The following MYO18B variants were observed in gnomAD, a reference collection of about 807,000 sequenced individuals.
MYO18B encodes the protein unconventional myosin-XVIIIb.
A neutral mutation model predicts 273.0 loss-of-function variants in MYO18B; 204 were observed. The observed-to-expected ratio is 0.75, with a 90% CI of 0.67 to 0.84. The LOEUF is 0.84. Ranked by LOEUF, MYO18B falls within the 40% of genes least tolerant of loss-of-function variation. The pLI, the probability that MYO18B is intolerant of heterozygous loss-of-function variation, is 0.00. For synonymous variants in MYO18B, 1,330 were observed against 1,305.7 expected (o/e 1.02, Z -0.40); for missense variants, 3,212 against 3,287.6 (o/e 0.98, Z 0.56).
intron 11 of MYO18B, among the ~76,000 whole-genome samples, chr22:25,787,536 A>G (rs1419819924): frequency 6.6e-6 from 1 of 152,142 alleles, no homozygotes; most frequent in Non-Finnish European, 1.5e-5. Context: ...GTCACCTTAT[A>G]AGTATGTCCC....
At chr22:25,753,517 C>T (rs1004444392) in intron 1 of MYO18B, among the ~76,000 whole-genome samples, 5 of 152,188 alleles carry the variant, frequency 3.3e-5, no homozygotes, top group Non-Finnish European at 5.9e-5. Context: ...CACTGGTAAC[C>T]CGCCCGGGTC....
At chr22:26,025,569 ACT>A (rs1936178538) in intron 42 of MYO18B, among the ~76,000 whole-genome samples, 1 of 151,946 alleles carries the variant, frequency 6.6e-6, no homozygotes, top group Admixed American at 6.5e-5. Context: ...CAGTGCCAAC[ACT>A]CTGACATTTG....
intron 39 of MYO18B, among the ~76,000 whole-genome samples, chr22:25,976,320 A>T (rs1386526109): frequency 6.6e-6 from 1 of 152,164 alleles, no homozygotes; most frequent in African/African-American, 2.4e-5. Context: ...TCTTGAGGCC[A>T]CTTAGTGCAC....
intron 33 of MYO18B, among the ~76,000 whole-genome samples, chr22:25,916,931 C>T (rs2092269821): frequency 2.6e-5 from 4 of 152,076 alleles, no homozygotes; most frequent in Non-Finnish European, 5.9e-5. Context: ...GCTCAGGGGG[C>T]TGAGGCATGA....
chr22:25,831,439 A>G (rs916960275), intron 15 of MYO18B, among the ~76,000 whole-genome samples: 6 of 152,062 alleles, frequency 3.9e-5, no homozygotes, highest in African/African-American at 1.2e-4. Context: ...CTGGAGTGCA[A>G]TGGAGTGATC....
intron 22 of MYO18B, among the ~76,000 whole-genome samples, chr22:25,873,387 C>T (rs2091102016): frequency 6.6e-6 from 1 of 152,214 alleles, no homozygotes; most frequent in Non-Finnish European, 1.5e-5. Flanking sequence ...AAGAGGACTG[C>T]CATCCCTTCC....
intron 3 of MYO18B, among the ~76,000 whole-genome samples, chr22:25,765,165 G>A (rs1166052967): frequency 1.3e-5 from 2 of 152,186 alleles, no homozygotes; most frequent in African/African-American, 2.4e-5. Context: ...GAGCCAAGAT[G>A]CAGGATGGCT....
intron 21 of MYO18B, among the ~76,000 whole-genome samples, chr22:25,861,791 C>T (rs866104707): frequency 5.3e-5 from 8 of 152,106 alleles, no homozygotes; most frequent in African/African-American, 1.9e-4. Context: ...GATTGTTCTA[C>T]GGTTTACAAT....
At chr22:25,762,856 T>C (rs563971225) in intron 2 of MYO18B, among the ~76,000 whole-genome samples, 1 of 152,374 alleles carries the variant, frequency 6.6e-6, no homozygotes, top group South Asian at 2.1e-4. Flanking sequence ...CTGTGATCCA[T>C]CCCCTTCTGG....
At chr22:25,887,297 AC>A (rs991270970) in intron 25 of MYO18B, among the ~76,000 whole-genome samples, 2 of 151,896 alleles carry the variant, frequency 1.3e-5, no homozygotes, top group Non-Finnish European at 2.9e-5. Context: ...GGTCCCAAGG[AC>A]CCCAGGTGTG....
chr22:26,003,353 C>G, intron 41 of MYO18B, 44 bp downstream of exon 41: 2 of 1,558,022 alleles, frequency 1.3e-6, no homozygotes, highest in Non-Finnish European at 1.8e-6. Flanking sequence ...CAAGGGTGAG[C>G]CCCTGGCTCT....
intron 1 of MYO18B, among the ~76,000 whole-genome samples, chr22:25,749,314 G>A (rs995842585): frequency 6.6e-6 from 1 of 152,194 alleles, no homozygotes; most frequent in African/African-American, 2.4e-5. Context: ...AAGCAGTGGT[G>A]GGAATACCTT....
chr22:25,876,595 A>G (rs1253521848), intron 24 of MYO18B, among the ~76,000 whole-genome samples: 10 of 151,896 alleles, frequency 6.6e-5, no homozygotes, highest in Non-Finnish European at 1.5e-4. Context: ...TCACTACTTA[A>G]CCCAGAGAAG....
chr22:25,878,097 T>A, intron 25 of MYO18B, 49 bp downstream of exon 25: 1 of 1,415,084 alleles, frequency 7.1e-7, no homozygotes, highest in South Asian at 1.2e-5. Flanking sequence ...TTTATGTATG[T>A]GAGATCTGTT....
rs750360249 is a variant in MYO18B, at chr22:25,998,163, G to C, written c.6288-5102G>C. 2.0e-5 allele frequency among the ~76,000 whole-genome samples: 3 copies of C among 152,180 alleles called. No individual in the cohort carries two copies. The East Asian group carries it at 5.8e-4, about 29-fold the overall frequency. ...GTAGCCTATGTGGCAGCATTTAAAC[G>C]TGTGCTCTCCTGCACTAGAGCCCTG... On this transcript the variant is annotated intron_variant, in intron 40 of 43. Transcript: ENST00000335473.
intron 37 of MYO18B, 74 bp from the exon 38 acceptor site, chr22:25,952,212 G>A (rs2092800393): frequency 6.5e-7 from 1 of 1,536,066 alleles, no homozygotes; most frequent in South Asian, 1.2e-5. Context: ...ACCCTCCCAG[G>A]CTGGGTCCTG....
chr22:25,772,236 G>A, intron 6 of MYO18B, 98 bp from the exon 7 acceptor site: 1 of 1,146,714 alleles, frequency 8.7e-7, no homozygotes, highest in Admixed American at 2.2e-5. Context: ...GCTCTCAAGA[G>A]GAGGGCTTAG....
At chr22:25,802,311 C>T (rs533566212) in intron 12 of MYO18B, among the ~76,000 whole-genome samples, 1 of 152,326 alleles carries the variant, frequency 6.6e-6, no homozygotes, top group South Asian at 2.1e-4. Context: ...TGACAGCCGA[C>T]AGCCTCCCAG....
chr22:25,827,543 T>A (rs2089540953), intron 14 of MYO18B, among the ~76,000 whole-genome samples: 1 of 152,230 alleles, frequency 6.6e-6, no homozygotes, highest in South Asian at 2.1e-4. Context: ...CTTGCCTTCC[T>A]CCTCTGTGAA....
Sources: gnomAD v4.1 joint callset for allele counts (sites outside exome capture counted in the v4.1 genomes callset) on GRCh38, gnomAD v4.1.1 for gene constraint, MANE v1.5 for transcripts, NCBI Gene and HGNC (gene_info 2026-07-23, HGNC 2026-07-21) for gene names.